The following TBX15 variants were observed in gnomAD, a reference collection of about 807,000 sequenced individuals.
TBX15 encodes the protein T-box transcription factor TBX15.
Under a neutral mutation model 53.9 loss-of-function variants are expected in TBX15, and 18 were observed. The ratio of observed to expected loss-of-function variants is 0.33; its 90% CI spans 0.23 to 0.49. TBX15 has a LOEUF of 0.49. Ranked by LOEUF, TBX15 falls within the 20% of genes least tolerant of loss-of-function variation. The pLI, the probability that TBX15 is intolerant of heterozygous loss-of-function variation, is 0.98. For missense variants in TBX15, 692 were observed against 749.5 expected, an observed-to-expected ratio of 0.92 and a Z score of 0.90; for synonymous variants, 295 against 278.0, an observed-to-expected ratio of 1.06 and a Z score of -0.61.
chr1:118,893,298 GA>G, intron 7 of TBX15, among the ~76,000 whole-genome samples: 1 of 133,160 alleles, frequency 7.5e-6, no homozygotes, highest in Non-Finnish European at 1.6e-5. Flanking sequence ...AGGAAGGAAG[GA>G]AGGAAGGAAG....
chr1:118,901,436 G>A (rs753793626), intron 6 of TBX15: 10 of 456,304 alleles, frequency 2.2e-5, no homozygotes, highest in South Asian at 1.6e-4. Flanking sequence ...TGCAGATTAA[G>A]TTTGGAACAC....
intron 1 of TBX15, among the ~76,000 whole-genome samples, chr1:118,961,208 G>A (rs1417783007): frequency 2.6e-5 from 4 of 152,114 alleles, no homozygotes; most frequent in African/African-American, 9.7e-5. Flanking sequence ...ATATTCTGTC[G>A]AGACACCCAT....
intron 1 of TBX15, among the ~76,000 whole-genome samples, chr1:118,934,424 A>T (rs1655897932): frequency 6.6e-6 from 1 of 152,198 alleles, no homozygotes; most frequent in Non-Finnish European, 1.5e-5. Context: ...TTTCAATCAA[A>T]TCAATCAATA....
chr1:118,914,207 G>T, intron 5 of TBX15, 28 bp from the exon 6 acceptor site: 1 of 1,597,624 alleles, frequency 6.3e-7, no homozygotes, highest in South Asian at 1.1e-5. Flanking sequence ...AGTATGAATT[G>T]CTTTTATATT....
At chr1:118,949,477 T>C (rs1026900942) in intron 1 of TBX15, among the ~76,000 whole-genome samples, 1 of 152,234 alleles carries the variant, frequency 6.6e-6, no homozygotes, top group Non-Finnish European at 1.5e-5. Flanking sequence ...ACACTTCATT[T>C]CCTCCCCAAC....
intron 1 of TBX15, among the ~76,000 whole-genome samples, chr1:118,938,818 C>T (rs895476043): frequency 1.3e-4 from 20 of 152,200 alleles, no homozygotes; most frequent in African/African-American, 4.3e-4. Flanking sequence ...TGTCTGTTCA[C>T]GTCCTTTGTC....
At chr1:118,916,870 A>G (rs911388000) in intron 5 of TBX15, among the ~76,000 whole-genome samples, 3 of 152,100 alleles carry the variant, frequency 2.0e-5, no homozygotes, top group African/African-American at 7.2e-5. Context: ...TGTCTCCAAA[A>G]AAAATAAAGA....
chr1:118,931,572 T>C, intron 2 of TBX15, 47 bp downstream of exon 2: 2 of 1,603,792 alleles, frequency 1.2e-6, no homozygotes, highest in East Asian at 2.2e-5. Flanking sequence ...TGGCTCCTAC[T>C]TCTGCAAATT....
intron 6 of TBX15, 140 bp from the exon 7 acceptor site, chr1:118,899,265 GA>G: frequency 1.3e-6 from 1 of 786,820 alleles, no homozygotes; most frequent in East Asian, 2.7e-5. Context: ...AAATTCGGGT[GA>G]AAAAACTCAA....
intron 2 of TBX15, among the ~76,000 whole-genome samples, chr1:118,928,346 T>C (rs1307731538): frequency 6.6e-6 from 1 of 152,194 alleles, no homozygotes; most frequent in Non-Finnish European, 1.5e-5. Context: ...TTTAAAAATT[T>C]CTCCCCCTAC....
rs536044359 is a variant in TBX15, at chr1:118,884,605, G to GA, written c.*126dup. On this transcript the variant is annotated 3_prime_UTR_variant, in exon 8 of 8. Transcript: ENST00000369429. ...GTTCTTGGGTATATGTCTTCGGCCA[G>GA]AAAAAAAAAAAAAAAAAAAACACGG... 0.26 allele frequency: 196,330 copies of GA among 749,066 alleles called. 490 individuals are homozygous for GA. The highest frequency in any genetic ancestry group is 0.29 in the Middle Eastern group (690 of 2,370). The allele number at this position is 749,066 out of a possible 1,614,324, so 46.4% of individuals were successfully genotyped here.
At chr1:118,979,220 A>G (rs1395503444) in intron 1 of TBX15, among the ~76,000 whole-genome samples, 1 of 151,234 alleles carries the variant, frequency 6.6e-6, no homozygotes, top group Non-Finnish European at 1.5e-5. Context: ...TTTTTTTAAT[A>G]AAAGAATTCG....
intron 1 of TBX15, among the ~76,000 whole-genome samples, chr1:118,979,430 T>G (rs1657564608): frequency 6.6e-6 from 1 of 152,014 alleles, no homozygotes; most frequent in East Asian, 1.9e-4. Context: ...ATTTACCCAT[T>G]TGGAAATGGT....
chr1:118,906,427 C>A lies in TBX15; in HGVS notation c.927-7302G>T, dbSNP rs143963792. Among the ~76,000 whole-genome samples the A allele has an allele frequency of 1.9e-3, 291 of 152,186 alleles. 1 individual carries two copies. The highest frequency in any genetic ancestry group is 6.4e-3 in the African/African-American group (267 of 41,520). ...TAATTTCTAGCCTACTTTTCCTCGT[C>A]CCTTCTTTTCCTTCTGCTAATATTA... On this transcript the variant is annotated intron_variant, in intron 6 of 7. Transcript: ENST00000369429.
intron 1 of TBX15, among the ~76,000 whole-genome samples, chr1:118,976,617 C>T (rs1210278893): frequency 6.6e-6 from 1 of 152,218 alleles, no homozygotes; most frequent in African/African-American, 2.4e-5. Flanking sequence ...GGCTGAGTCT[C>T]CTCAGCCCGG....
chr1:118,973,699 G>T (rs574532311), intron 1 of TBX15, among the ~76,000 whole-genome samples: 8 of 151,858 alleles, frequency 5.3e-5, no homozygotes, highest in Non-Finnish European at 7.4e-5. Context: ...ATTCACCCAC[G>T]CAGGCTAGGG....
At chr1:118,906,351 C>T (rs1654826661) in intron 6 of TBX15, among the ~76,000 whole-genome samples, 1 of 152,136 alleles carries the variant, frequency 6.6e-6, no homozygotes, top group Non-Finnish European at 1.5e-5. Context: ...TCCTCCCACC[C>T]CCAATGACAA....
chr1:118,961,284 A>G (rs1362086268), intron 1 of TBX15, among the ~76,000 whole-genome samples: 1 of 152,164 alleles, frequency 6.6e-6, no homozygotes, highest in Non-Finnish European at 1.5e-5. Flanking sequence ...GTGTTTATTC[A>G]TCTTTATACC....
At chr1:118,917,932 C>A (rs974720265) in intron 5 of TBX15, among the ~76,000 whole-genome samples, 8 of 152,186 alleles carry the variant, frequency 5.3e-5, no homozygotes, top group African/African-American at 1.2e-4. Flanking sequence ...GATCCACAGG[C>A]TCAGGACAGA....
Sources: gnomAD v4.1 joint callset for allele counts (sites outside exome capture counted in the v4.1 genomes callset) on GRCh38, gnomAD v4.1.1 for gene constraint, MANE v1.5 for transcripts, NCBI Gene and HGNC (gene_info 2026-07-23, HGNC 2026-07-21) for gene names.